Variants in BTD observed in about 807,000 individuals in gnomAD.
BTD encodes the protein biocytinase.
In BTD, 13 loss-of-function variants were observed where a neutral mutation model predicts 17.7. The ratio of observed to expected loss-of-function variants is 0.74; its 90% CI spans 0.48 to 1.17. The LOEUF (loss-of-function observed/expected upper bound fraction) is 1.17, where lower values mean the gene tolerates loss of function less well. Among genes scored for constraint, BTD ranks in the 50% most tolerant of loss-of-function variants. The pLI is 0.00. For missense variants in BTD, 674 were observed against 650.4 expected, an observed-to-expected ratio of 1.04 and a Z score of -0.39; for synonymous variants, 240 against 245.2, an observed-to-expected ratio of 0.98 and a Z score of 0.20.
chr3:15,716,378 A>G (rs2073050292), downstream of BTD, among the ~76,000 whole-genome samples: 1 of 150,534 alleles, frequency 6.6e-6, no homozygotes, highest in Admixed American at 6.6e-5. Flanking sequence ...TGCAACCTTG[A>G]ACTCTAGGGT....
chr3:15,691,666 T>C (rs981182034), intron 3 of BTD, among the ~76,000 whole-genome samples: 2 of 152,192 alleles, frequency 1.3e-5, no homozygotes, highest in African/African-American at 4.8e-5. Flanking sequence ...TGTAGAAACT[T>C]GACTACTTAA....
chr3:15,679,396 A>T (rs1409721832), intron 3 of BTD: 12 of 1,613,810 alleles, frequency 7.4e-6, no homozygotes, highest in Non-Finnish European at 1.0e-5. Context: ...TGTGTAAGGT[A>T]ACAAGGTGAT....
chr3:15,697,965 G>A (rs1559358031), intron 3 of BTD, among the ~76,000 whole-genome samples: 1 of 152,048 alleles, frequency 6.6e-6, no homozygotes, highest in East Asian at 1.9e-4. Flanking sequence ...TCTTGGGAGG[G>A]TGTATATGTC....
At chr3:15,710,193 A>G (rs2072051154) in exon 4 of BTD, among the ~76,000 whole-genome samples, 2 of 152,280 alleles carry the variant, frequency 1.3e-5, no homozygotes, top group South Asian at 4.2e-4. Flanking sequence ...GAGCCACTGC[A>G]TGAGTCCTGT....
At chr3:15,602,933 A>G (rs1403534187) in intron 1 of BTD, among the ~76,000 whole-genome samples, 3 of 152,204 alleles carry the variant, frequency 2.0e-5, no homozygotes. Flanking sequence ...CCAAATGGCT[A>G]CGGAGGCCTC....
At chr3:15,698,794 T>C (rs1247635172) in intron 3 of BTD, among the ~76,000 whole-genome samples, 1 of 152,112 alleles carries the variant, frequency 6.6e-6, no homozygotes, top group Non-Finnish European at 1.5e-5. Context: ...AGAATCAATA[T>C]TGTGAAAATG....
At chr3:15,687,284 T>A (rs530808863) in intron 3 of BTD, among the ~76,000 whole-genome samples, 2 of 152,118 alleles carry the variant, frequency 1.3e-5, no homozygotes, top group African/African-American at 4.8e-5. Flanking sequence ...CCCCTTAAGC[T>A]ATTTTCAGTA....
chr3:15,608,647 T>C (rs1429509654), intron 1 of BTD, among the ~76,000 whole-genome samples: 1 of 151,656 alleles, frequency 6.6e-6, no homozygotes, highest in African/African-American at 2.4e-5. Context: ...GCGCCTGTAA[T>C]CCCAGCTACC....
chr3:15,709,742 G>C, intron 3 of BTD: 1 of 1,550,128 alleles, frequency 6.5e-7, no homozygotes, highest in Non-Finnish European at 8.7e-7. Flanking sequence ...AATTCCTATT[G>C]AGAGAAAATA....
At chr3:15,716,737 A>G (rs911673168), downstream of BTD, among the ~76,000 whole-genome samples, 1 of 152,248 alleles carries the variant, frequency 6.6e-6, no homozygotes, top group African/African-American at 2.4e-5. Flanking sequence ...CAAAATGATG[A>G]AATTTGGAAG....
intron 3 of BTD, chr3:15,678,147 C>G: frequency 2.0e-6 from 3 of 1,468,022 alleles, no homozygotes; most frequent in Non-Finnish European, 2.7e-6. Flanking sequence ...GTCTTGGGAT[C>G]TAAGTTATAC....
At chr3:15,668,881 T>C (rs2066123889) in intron 3 of BTD, 4 of 152,666 alleles carry the variant, frequency 2.6e-5, no homozygotes, top group Admixed American at 2.6e-4. Context: ...TATCATTTTG[T>C]TGCAATTTAT....
At chr3:15,630,017 C>A (rs2065165811) in intron 1 of BTD, 2 of 985,060 alleles carry the variant, frequency 2.0e-6, no homozygotes, top group Non-Finnish European at 2.4e-6. Flanking sequence ...TTTCCCCACG[C>A]AGACGCTGTG....
chr3:15,630,186 A>C (rs2065171141), intron 1 of BTD: 1 of 629,738 alleles, frequency 1.6e-6, no homozygotes, highest in South Asian at 7.1e-5. Context: ...GGTCTTGTTT[A>C]ACTGTAAAAG....
intron 1 of BTD, among the ~76,000 whole-genome samples, chr3:15,624,679 G>T: frequency 6.7e-6 from 1 of 149,566 alleles, no homozygotes; most frequent in African/African-American, 2.5e-5. Flanking sequence ...ATTTTAAATT[G>T]CTAGTCTGAT....
At chr3:15,706,660 G>A (rs1233551465) in intron 3 of BTD, among the ~76,000 whole-genome samples, 3 of 152,054 alleles carry the variant, frequency 2.0e-5, no homozygotes, top group East Asian at 3.8e-4. Context: ...TTGATGAATC[G>A]CCACACTGTC....
intron 3 of BTD, among the ~76,000 whole-genome samples, chr3:15,661,551 A>C (rs1214826499): frequency 6.6e-6 from 1 of 152,150 alleles, no homozygotes; most frequent in African/African-American, 2.4e-5. Flanking sequence ...TTTGGATAAT[A>C]GTTCTTTATC....
intron 3 of BTD, among the ~76,000 whole-genome samples, chr3:15,682,315 G>A (rs2067631956): frequency 6.6e-6 from 1 of 152,058 alleles, no homozygotes; most frequent in Non-Finnish European, 1.5e-5. Context: ...TAGTTCCTGA[G>A]ACCAAAGGGT....
At chr3:15,667,167 A>C (rs1189167926) in intron 3 of BTD, 1 of 152,248 alleles carries the variant, frequency 6.6e-6, no homozygotes, top group Non-Finnish European at 1.5e-5. Flanking sequence ...AAGGAAAAAA[A>C]ACTTGTCAAT....
Sources: allele counts gnomAD v4.1 joint callset (sites outside exome capture counted in the v4.1 genomes callset), GRCh38; gene constraint gnomAD v4.1.1; transcripts MANE v1.5; gene names NCBI Gene and HGNC (gene_info 2026-07-23, HGNC 2026-07-21).